Variants in CCDC149 observed in about 807,000 individuals in gnomAD.
CCDC149 encodes the protein coiled-coil domain containing 149.
A neutral mutation model predicts 59.9 loss-of-function variants in CCDC149; 45 were observed. The ratio of observed to expected loss-of-function variants is 0.75; its 90% CI spans 0.59 to 0.96. The LOEUF (loss-of-function observed/expected upper bound fraction) is 0.96. Ranked by LOEUF, CCDC149 falls within the 40% of genes least tolerant of loss-of-function variation. The probability of loss-of-function intolerance (pLI) is 0.00; values close to 1 mark genes in which losing one functional copy is unlikely to be tolerated. For missense variants in CCDC149, 584 were observed against 664.7 expected, an observed-to-expected ratio of 0.88 and a Z score of 1.33; for synonymous variants, 245 against 260.6, an observed-to-expected ratio of 0.94 and a Z score of 0.58.
Position 24,837,280 on chromosome 4 carries a change from T to C in CCDC149, c.610A>G (p.Ser204Gly). Residue 204 changes from serine (S) to glycine (G), a missense_variant, in exon 6 of 13, where the codon AGT becomes GGT. Transcript: ENST00000635206. This position sits in a 1 kb window ranked among gnomAD's most constrained non-coding sequence, Gnocchi z 4.3. ...TCAATGATGCGGTTCTCGTGCCCACTCAGGATATGGTTCAGCTCCTGGTTG... is the reference window on the plus strand; with the variant it reads ...TCAATGATGCGGTTCTCGTGCCCACCCAGGATATGGTTCAGCTCCTGGTTG... 1 of 1,614,186 alleles carries C rather than the reference T, an allele frequency of 6.2e-7. No homozygotes were observed. The highest frequency in any genetic ancestry group is 1.3e-5 in the African/African-American group (1 of 75,040).
chr4:24,834,680 G>A (rs146005182), intron 8 of CCDC149, among the ~76,000 whole-genome samples: 306 of 152,254 alleles, frequency 2.0e-3, no homozygotes, highest in African/African-American at 6.9e-3. Flanking sequence ...CTAATCCAGC[G>A]TCAGTATCAC....
chr4:24,833,177 A>T (rs1161485265), intron 8 of CCDC149, among the ~76,000 whole-genome samples: 2 of 143,050 alleles, frequency 1.4e-5, no homozygotes, highest in African/African-American at 5.5e-5. Context: ...ACCAGACATT[A>T]AAAAAAAAAG....
chr4:24,865,597 C>A (rs1221555208), intron 3 of CCDC149, among the ~76,000 whole-genome samples: 1 of 152,228 alleles, frequency 6.6e-6, no homozygotes, highest in Non-Finnish European at 1.5e-5. Context: ...TAGCAGCCTA[C>A]TGCCACCTCG....
intron 1 of CCDC149, 134 bp from the exon 2 acceptor site, chr4:24,876,831 T>G (rs941025898): frequency 1.2e-6 from 1 of 829,704 alleles, no homozygotes; most frequent in African/African-American, 1.7e-5. Flanking sequence ...GAGAGAGACA[T>G]TTTTCAGCAA....
chr4:24,813,516 ATATATATATAT>A (rs1329140986), intron 12 of CCDC149, among the ~76,000 whole-genome samples: 3,259 of 144,024 alleles, frequency 0.023, 179 homozygotes, highest in African/African-American at 0.077. Context: ...ATATATATAT[ATATATATATAT>A]AAAACCTAAA....
intron 12 of CCDC149, 108 bp from the exon 13 acceptor site, chr4:24,808,927 A>T: frequency 9.1e-7 from 1 of 1,103,020 alleles, no homozygotes; most frequent in Non-Finnish European, 1.3e-6. Flanking sequence ...CCTCTGAAAA[A>T]GGAGCAAGAC....
At chr4:24,880,484 G>C (rs1719773716) in intron 1 of CCDC149, among the ~76,000 whole-genome samples, 1 of 152,246 alleles carries the variant, frequency 6.6e-6, no homozygotes, top group African/African-American at 2.4e-5. Context: ...GGGGAGAAGG[G>C]AGTGTTGGAG....
chr4:24,825,764 C>G (rs1715692974), intron 9 of CCDC149, among the ~76,000 whole-genome samples: 1 of 150,508 alleles, frequency 6.6e-6, no homozygotes, highest in South Asian at 2.1e-4. Flanking sequence ...CAGAGCAAGA[C>G]TCCGTCTCAA....
chr4:24,966,860 G>A (rs1723818154), intron 1 of CCDC149, among the ~76,000 whole-genome samples: 1 of 152,202 alleles, frequency 6.6e-6, no homozygotes, highest in Non-Finnish European at 1.5e-5. Flanking sequence ...TAGCTTTGGG[G>A]AAACACTGGG....
chr4:24,869,909 T>C (rs139421984), intron 3 of CCDC149, among the ~76,000 whole-genome samples: 2 of 152,292 alleles, frequency 1.3e-5, no homozygotes, highest in African/African-American at 4.8e-5. Flanking sequence ...GATGAGTGTA[T>C]AGCAGCCCCC....
intron 1 of CCDC149, among the ~76,000 whole-genome samples, chr4:24,911,307 G>T (rs906009979): frequency 1.3e-5 from 2 of 152,122 alleles, no homozygotes; most frequent in Admixed American, 1.3e-4. Flanking sequence ...CACTGTCTAC[G>T]GTATGACCTT....
chr4:24,962,744 G>A (rs1379037750), intron 1 of CCDC149, among the ~76,000 whole-genome samples: 1 of 151,872 alleles, frequency 6.6e-6, no homozygotes. Context: ...GGGGTGGGAG[G>A]AGGGGGGAGG....
At chr4:24,923,043 T>A (rs1204115791) in intron 1 of CCDC149, among the ~76,000 whole-genome samples, 1 of 152,170 alleles carries the variant, frequency 6.6e-6, no homozygotes, top group Non-Finnish European at 1.5e-5. Context: ...ATAAACCAAT[T>A]TTTTAAAGAG....
chr4:24,859,215 T>C (rs1007982291), intron 3 of CCDC149, among the ~76,000 whole-genome samples: 2 of 152,182 alleles, frequency 1.3e-5, no homozygotes, highest in African/African-American at 4.8e-5. Context: ...TTACACTTTA[T>C]AAAATAGGTC....
intron 9 of CCDC149, chr4:24,826,925 A>G (rs1375116620): frequency 3.3e-5 from 5 of 152,142 alleles, no homozygotes; most frequent in Non-Finnish European, 5.9e-5. Context: ...CAAACTTGAG[A>G]GAGGTTTGGG....
chr4:24,945,058 G>A (rs1723066915), intron 1 of CCDC149, among the ~76,000 whole-genome samples: 2 of 152,208 alleles, frequency 1.3e-5, no homozygotes, highest in Admixed American at 6.5e-5. Context: ...TTGTCCTCAT[G>A]CTTTAGAGGG....
chr4:24,901,012 G>A (rs963326691), intron 1 of CCDC149, among the ~76,000 whole-genome samples: 9 of 152,214 alleles, frequency 5.9e-5, no homozygotes, highest in Admixed American at 2.0e-4. Context: ...GAAGGTTTCC[G>A]AGTAAGAGGA....
At chr4:24,937,274 T>C (rs1219285524) in intron 1 of CCDC149, among the ~76,000 whole-genome samples, 1 of 152,178 alleles carries the variant, frequency 6.6e-6, no homozygotes, top group Non-Finnish European at 1.5e-5. Context: ...GTAGCATAAA[T>C]AGTCTGATGA....
intron 1 of CCDC149, among the ~76,000 whole-genome samples, chr4:24,946,831 C>T (rs1230377053): frequency 1.3e-5 from 2 of 152,158 alleles, no homozygotes; most frequent in Non-Finnish European, 2.9e-5. Flanking sequence ...TACAGATGCA[C>T]TTTTAGAGTT....
Sources: gnomAD v4.1 joint callset for allele counts (sites outside exome capture counted in the v4.1 genomes callset) on GRCh38, gnomAD v4.1.1 for gene constraint, Gnocchi (gnomAD v3.1) non-coding constraint, MANE v1.5 for transcripts, NCBI Gene and HGNC (gene_info 2026-07-23, HGNC 2026-07-21) for gene names.